The following PTPRU variants were observed in gnomAD, a reference collection of about 807,000 sequenced individuals.
The protein encoded by PTPRU is receptor-type tyrosine-protein phosphatase U.
PTPRU carries 69 observed loss-of-function variants against 166.3 expected under a neutral mutation model. The observed-to-expected ratio is 0.41, with a 90% CI of 0.34 to 0.51. The LOEUF is 0.51. Ranked by LOEUF, PTPRU falls within the 20% of genes least tolerant of loss-of-function variation. The pLI, the probability that PTPRU is intolerant of heterozygous loss-of-function variation, is 0.09. For missense variants in PTPRU, 1,657 were observed against 2,013.7 expected (o/e 0.82, Z 3.39); for synonymous variants, 793 against 814.0 (o/e 0.97, Z 0.44).
intron 5 of PTPRU, 46 bp from the exon 6 acceptor site, chr1:29,259,811 GCGAGATCGGGACC>G: frequency 2.7e-6 from 4 of 1,470,154 alleles, no homozygotes; most frequent in Non-Finnish European, 3.6e-6. Context: ...CCGGGTCAGA[GCGAGATCGGGACC>G]CCTCGCTCCG....
At chr1:29,269,246 A>ATATTT (rs1266094646) in intron 7 of PTPRU, among the ~76,000 whole-genome samples, 10 of 20,582 alleles carry the variant, frequency 4.9e-4, no homozygotes, top group Admixed American at 1.1e-3. Flanking sequence ...ATATATATAT[A>ATATTT]TTTTTTTTTT....
Position 29,237,558 on chromosome 1 carries a change from C to G in PTPRU, c.73+841C>G, listed in dbSNP as rs1460760204. Among the ~76,000 whole-genome samples the G allele has an allele frequency of 6.6e-6, 1 of 150,728 alleles. No individual in the cohort carries two copies. The highest frequency in any genetic ancestry group is 1.5e-5 in the Non-Finnish European group (1 of 67,576). On this transcript the variant is annotated intron_variant, in intron 1 of 29. Transcript: ENST00000373779. This position sits in a 1 kb window ranked among gnomAD's most constrained non-coding sequence, Gnocchi z 6.4. ...AGGGGGCGGTGGCAGGACGTGTGTGCGCGCGTGTGCGTGTGCGCGTGTGTG... is the reference window on the plus strand; with the variant it reads ...AGGGGGCGGTGGCAGGACGTGTGTGGGCGCGTGTGCGTGTGCGCGTGTGTG...
Position 29,317,936 on chromosome 1 carries a change from T to G in PTPRU, c.3687+15T>G. 6.2e-7 allele frequency: 1 copy of G among 1,612,836 alleles called. No homozygotes were observed. Among genetic ancestry groups the G allele is most frequent in the Non-Finnish European group, 8.5e-7 (1 of 1,179,708 alleles). Reference sequence around the variant, plus strand: ...CCCTGACTGACGTGAGAGCTTGGGGTGGAGTGGGCTCTGGGGCTCCCCTTC... The same window carrying G: ...CCCTGACTGACGTGAGAGCTTGGGGGGGAGTGGGCTCTGGGGCTCCCCTTC... On this transcript the variant is annotated intron_variant, in intron 25 of 29. Transcript: ENST00000373779. This position sits in a 1 kb window ranked among gnomAD's most constrained non-coding sequence, Gnocchi z 5.6.
In PTPRU at chr1:29,325,711, A is replaced by G; in HGVS notation, c.*50A>G. 2 of 1,494,362 alleles carry G rather than the reference A, an allele frequency of 1.3e-6. No individual in the cohort carries two copies. The highest frequency in any genetic ancestry group is 2.3e-5 in the East Asian group (1 of 44,150). The allele number at this position is 1,494,362 out of a possible 1,614,324, so 92.6% of individuals were successfully genotyped here. A position where few individuals can be genotyped will look rare whatever the true frequency, so the allele number is the denominator to read the frequency against. Reference sequence around the variant, plus strand: ...CTGCACACTCAGGGCCAGACCCACCATCCTGGACTGGCGAGGAAGATCAGT... The same window carrying G: ...CTGCACACTCAGGGCCAGACCCACCGTCCTGGACTGGCGAGGAAGATCAGT... On this transcript the variant is annotated 3_prime_UTR_variant, in exon 30 of 30. Coordinates refer to ENST00000373779, the MANE Select transcript of PTPRU (RefSeq NM_133178.4).
intron 1 of PTPRU, among the ~76,000 whole-genome samples, chr1:29,245,982 A>G (rs924498654): frequency 6.6e-6 from 1 of 152,252 alleles, no homozygotes; most frequent in Non-Finnish European, 1.5e-5. Flanking sequence ...AACAGATGGC[A>G]TGCTACCACA....
intron 15 of PTPRU, among the ~76,000 whole-genome samples, chr1:29,299,092 T>C (rs1240710104): frequency 6.6e-6 from 1 of 152,214 alleles, no homozygotes; most frequent in Non-Finnish European, 1.5e-5. Context: ...GTGCCACCAC[T>C]GAGGGAGGGC....
At chr1:29,275,011 T>C (rs1365789546) in intron 7 of PTPRU, among the ~76,000 whole-genome samples, 1 of 150,476 alleles carries the variant, frequency 6.6e-6, no homozygotes, top group Non-Finnish European at 1.5e-5. Flanking sequence ...GATCATGCCA[T>C]TGCACTCCCT....
At chr1:29,285,003 G>T in intron 14 of PTPRU, 134 bp downstream of exon 14, 1 of 1,220,698 alleles carries the variant, frequency 8.2e-7, no homozygotes, top group East Asian at 2.5e-5. Context: ...CCTGGGCATC[G>T]CCTCTACAGA....
intron 1 of PTPRU, among the ~76,000 whole-genome samples, chr1:29,249,540 G>C (rs1221412045): frequency 6.6e-6 from 1 of 152,246 alleles, no homozygotes; most frequent in East Asian, 1.9e-4. Flanking sequence ...CCAGTCTGAG[G>C]CTGCATCCCC....
chr1:29,323,097 C>G (rs1688236278), intron 26 of PTPRU: 1 of 397,692 alleles, frequency 2.5e-6, no homozygotes, highest in Non-Finnish European at 4.7e-6. Flanking sequence ...AGCTTTCTAG[C>G]TGCACAGCAG....
At chr1:29,283,436 C>T (rs1186139397) in intron 12 of PTPRU, among the ~76,000 whole-genome samples, 1 of 151,330 alleles carries the variant, frequency 6.6e-6, no homozygotes, top group African/African-American at 2.4e-5. Flanking sequence ...TCCTTTCTAT[C>T]CAGGTCCCCA....
At chr1:29,259,600 T>TGTTTTTGGGGGGGGGGGGGGGGGG in intron 5 of PTPRU, 36 bp downstream of exon 5, 1 of 253,696 alleles carries the variant, frequency 3.9e-6, no homozygotes. Context: ...GGGGGCGGGG[T>TGTTTTTGGGGGGGGGGGGGGGGGG]GGGAGGGGGT....
Position 29,320,581 on chromosome 1 carries a change from C to T in PTPRU, c.3688-104C>T, listed in dbSNP as rs764628413. The T allele has an allele frequency of 1.4e-4, 184 of 1,318,914 alleles. No individual in the cohort carries two copies. Among genetic ancestry groups the T allele is most frequent in the Non-Finnish European group, 1.8e-4 (174 of 992,042 alleles). The allele number at this position is 1,318,914 out of a possible 1,614,324, so 81.7% of individuals were successfully genotyped here. ...GCAGCCTGGTCCTGTGGGGCACAAC[C>T]GTCCAACTCAGGGTGGGCAGTGCGG... is the stretch of plus-strand genomic sequence containing the variant. On this transcript the variant is annotated intron_variant, in intron 25 of 29. Coordinates refer to ENST00000373779, the MANE Select transcript of PTPRU (RefSeq NM_133178.4). This position sits in a 1 kb window ranked among gnomAD's most constrained non-coding sequence, Gnocchi z 5.2.
intron 18 of PTPRU, chr1:29,307,228 C>A: frequency 6.7e-7 from 1 of 1,500,500 alleles, no homozygotes; most frequent in Non-Finnish European, 9.2e-7. Context: ...CTCTCACGGT[C>A]TCTGGCTGTC....
intron 21 of PTPRU, 70 bp from the exon 22 acceptor site, chr1:29,312,482 C>A: frequency 7.1e-7 from 1 of 1,407,342 alleles, no homozygotes; most frequent in Non-Finnish European, 9.7e-7. Context: ...CAGTGCCTGG[C>A]ACACAGCAGG....
intron 7 of PTPRU, among the ~76,000 whole-genome samples, chr1:29,273,904 C>T (rs1254403196): frequency 6.6e-6 from 1 of 152,208 alleles, no homozygotes; most frequent in African/African-American, 2.4e-5. Flanking sequence ...ATCCCAGCTT[C>T]ACCACTTACC....
chr1:29,262,376 G>A (rs1685107320), intron 7 of PTPRU, among the ~76,000 whole-genome samples: 1 of 152,040 alleles, frequency 6.6e-6, no homozygotes, highest in Non-Finnish European at 1.5e-5. Context: ...TTTAGTATAC[G>A]GTAGTCCCCG....
At chr1:29,273,778 A>G (rs1019409426) in intron 7 of PTPRU, among the ~76,000 whole-genome samples, 2 of 151,628 alleles carry the variant, frequency 1.3e-5, no homozygotes, top group African/African-American at 2.4e-5. Context: ...CATAACATGC[A>G]CCTCCCTTCT....
At chr1:29,319,580 T>A (rs1311799887) in intron 25 of PTPRU, among the ~76,000 whole-genome samples, 1 of 152,236 alleles carries the variant, frequency 6.6e-6, no homozygotes, top group Non-Finnish European at 1.5e-5. Context: ...AGTTTTGGAA[T>A]CTGGCTGGGC....
Sources: allele counts gnomAD v4.1 joint callset (sites outside exome capture counted in the v4.1 genomes callset), GRCh38; gene constraint gnomAD v4.1.1; non-coding constraint Gnocchi (gnomAD v3.1); transcripts MANE v1.5; gene names NCBI Gene and HGNC (gene_info 2026-07-23, HGNC 2026-07-21).